TSGA10: variants seen among roughly 807,000 people sequenced by gnomAD.
TSGA10 encodes the protein testis specific 10.
Under a neutral mutation model 96.6 loss-of-function variants are expected in TSGA10, and 43 were observed. The observed-to-expected ratio is 0.44, with a 90% CI of 0.35 to 0.57. The LOEUF (loss-of-function observed/expected upper bound fraction) is 0.57. Ranked by LOEUF, TSGA10 falls within the 20% of genes least tolerant of loss-of-function variation. The probability of loss-of-function intolerance (pLI) is 0.01; values close to 1 mark genes in which losing one functional copy is unlikely to be tolerated. For missense variants in TSGA10, 703 were observed against 834.4 expected (o/e 0.84, Z 1.94); for synonymous variants, 229 against 269.9 (o/e 0.85, Z 1.48).
intron 4 of TSGA10, among the ~76,000 whole-genome samples, chr2:99,111,713 T>G (rs2091835742): frequency 6.6e-6 from 1 of 152,118 alleles, no homozygotes; most frequent in African/African-American, 2.4e-5. Flanking sequence ...GTGAAGTACT[T>G]AGAAATAGAA....
At chr2:99,072,903 G>T in intron 13 of TSGA10, 115 bp downstream of exon 13, 1 of 648,598 alleles carries the variant, frequency 1.5e-6, no homozygotes, top group Non-Finnish European at 2.6e-6. Flanking sequence ...CCTTTGATGA[G>T]AGAGTTAGCA....
chr2:99,032,281 C>T (rs2081205256), intron 17 of TSGA10, among the ~76,000 whole-genome samples: 1 of 152,164 alleles, frequency 6.6e-6, no homozygotes, highest in African/African-American at 2.4e-5. Flanking sequence ...AAACAAACAT[C>T]ACTAGAGAGC....
At chr2:99,017,506 C>T (rs376974577) in intron 20 of TSGA10, among the ~76,000 whole-genome samples, 4 of 152,276 alleles carry the variant, frequency 2.6e-5, no homozygotes, top group Admixed American at 2.6e-4. Flanking sequence ...TGGCTCACGC[C>T]TGTAATCCCA....
At chr2:99,034,742 A>G (rs2081467479) in intron 17 of TSGA10, among the ~76,000 whole-genome samples, 1 of 152,108 alleles carries the variant, frequency 6.6e-6, no homozygotes, top group Admixed American at 6.5e-5. Context: ...TTAATATATC[A>G]TTCATTACAA....
intron 4 of TSGA10, among the ~76,000 whole-genome samples, chr2:99,111,856 A>C (rs2091849266): frequency 6.6e-6 from 1 of 152,160 alleles, no homozygotes. Flanking sequence ...TTCCACATTA[A>C]GTATAAAAAT....
At chr2:99,133,113 T>C (rs1040142348) in intron 1 of TSGA10, among the ~76,000 whole-genome samples, 1 of 152,206 alleles carries the variant, frequency 6.6e-6, no homozygotes, top group Non-Finnish European at 1.5e-5. Flanking sequence ...GTCCGGTTGG[T>C]CCAGTGCTAA....
At position 99,127,126 on chromosome 2, in the gene TSGA10, A is replaced by G. The variant is rs1211563805; in HGVS notation, c.-570T>C. Reference sequence around the variant, plus strand: ...GCTGGAGAGTATTCTGGTAGTTTTCAGCTTCAGAAACTGGAGCCCCTAGAC... The same window carrying G: ...GCTGGAGAGTATTCTGGTAGTTTTCGGCTTCAGAAACTGGAGCCCCTAGAC... On this transcript the variant is annotated 5_prime_UTR_variant, in exon 2 of 21. Coordinates refer to ENST00000393483, the MANE Select transcript of TSGA10 (RefSeq NM_025244.4). 1 of 1,289,510 alleles carries G rather than the reference A, an allele frequency of 7.8e-7. No homozygotes were observed. Among genetic ancestry groups the G allele is most frequent in the Admixed American group, 2.3e-5 (1 of 43,524 alleles). The allele number at this position is 1,289,510 out of a possible 1,614,324, so 79.9% of individuals were successfully genotyped here.
At position 99,112,817 on chromosome 2, in the gene TSGA10, C is replaced by T. The variant is rs184496959; in HGVS notation, c.-139-1902G>A. On this transcript the variant is annotated intron_variant, in intron 4 of 20. Coordinates refer to ENST00000393483, the MANE Select transcript of TSGA10 (RefSeq NM_025244.4). Reference sequence around the variant, plus strand: ...ATGTGGGGATGGGTATTTCAGAGCCCGCTGTGTGGAAGACATTGTGTAAAG... The same window carrying T: ...ATGTGGGGATGGGTATTTCAGAGCCTGCTGTGTGGAAGACATTGTGTAAAG... Among the ~76,000 whole-genome samples, 269 of 146,782 alleles carry T rather than the reference C, an allele frequency of 1.8e-3. 2 individuals carry two copies. The highest frequency in any genetic ancestry group is 5.8e-3 in the Admixed American group (86 of 14,898).
rs1401156306 is a variant in TSGA10 at position 99,136,724 on chromosome 2, G to A, written c.-620-9548C>T. 1.4e-4 allele frequency among the ~76,000 whole-genome samples: 6 copies of A among 42,430 alleles called. 1 individual carries two copies. The highest frequency in any genetic ancestry group is 3.7e-4 in the African/African-American group (6 of 16,266). The allele number at this position is 42,430 out of a possible 152,430, so 27.8% of individuals were successfully genotyped here. ...TGAGGCAGGAGAATGGCGTGAACCC[G>A]GGAGGCGGAGCTTGCAGTGAGCCGA... On this transcript the variant is annotated intron_variant, in intron 1 of 20. Coordinates refer to ENST00000393483, the MANE Select transcript of TSGA10 (RefSeq NM_025244.4).
chr2:99,073,269 G>C (rs1002211608), intron 12 of TSGA10, among the ~76,000 whole-genome samples, 196 bp from the exon 13 acceptor site: 13 of 152,072 alleles, frequency 8.5e-5, no homozygotes, highest in African/African-American at 2.9e-4. Flanking sequence ...AATAGATTAT[G>C]TTCATTAAAG....
chr2:99,042,657 G>A (rs1263091082), intron 16 of TSGA10, among the ~76,000 whole-genome samples: 1 of 151,912 alleles, frequency 6.6e-6, no homozygotes, highest in African/African-American at 2.4e-5. Context: ...ACGTATATGT[G>A]CAAAAGTGCA....
At chr2:99,073,682 A>G (rs2086251209) in intron 12 of TSGA10, among the ~76,000 whole-genome samples, 1 of 152,144 alleles carries the variant, frequency 6.6e-6, no homozygotes, top group Non-Finnish European at 1.5e-5. Context: ...GAAATAAACT[A>G]TATTTTCCTT....
chr2:99,138,460 A>AGCGG (rs2093411666), intron 1 of TSGA10, among the ~76,000 whole-genome samples: 1 of 152,270 alleles, frequency 6.6e-6, no homozygotes, highest in African/African-American at 2.4e-5. Flanking sequence ...TGCCCAGCAC[A>AGCGG]AAGGTGAAAC....
At chr2:99,059,201 T>C in intron 16 of TSGA10, among the ~76,000 whole-genome samples, 1 of 150,738 alleles carries the variant, frequency 6.6e-6, no homozygotes, top group East Asian at 2.0e-4. Flanking sequence ...AAAACCACCA[T>C]GACCTACTAT....
At chr2:99,004,416 G>C (rs906344511) in intron 20 of TSGA10, among the ~76,000 whole-genome samples, 5 of 151,340 alleles carry the variant, frequency 3.3e-5, no homozygotes, top group African/African-American at 9.7e-5. Flanking sequence ...CCAATCAATA[G>C]AAAAAGAGGG....
Position 99,103,983 on chromosome 2 carries a change from C to T in TSGA10, c.595G>A (p.Glu199Lys). Residue 199 changes from glutamate to lysine, a missense_variant, in exon 10 of 21, where the codon GAG (glutamate) becomes AAG (lysine). Glu to Lys is a moderately conservative substitution (Grantham distance 56, BLOSUM62 1). This residue lies in a region of TSGA10 where 585 missense variants were observed against 656.8 expected (regional missense o/e 0.89). Coordinates refer to ENST00000393483, the MANE Select transcript of TSGA10 (RefSeq NM_025244.4). ...TTAGTTTACCTCAAAGAATTATTCT[C>T]TGCTTTTTGTCTGCCAAGTTCACTT... is the stretch of plus-strand genomic sequence containing the variant. ...TESELGRQKA[E>K]NNSLRLLYEN... 3 of 1,614,052 alleles carry T rather than the reference C, an allele frequency of 1.9e-6. No homozygotes were observed. The highest frequency in any genetic ancestry group is 2.2e-5 in the East Asian group (1 of 44,856).
chr2:99,103,489 T>G (rs910323556), intron 10 of TSGA10, among the ~76,000 whole-genome samples: 4 of 152,192 alleles, frequency 2.6e-5, no homozygotes, highest in Admixed American at 2.6e-4. Flanking sequence ...AAAGGCTAAG[T>G]ATAGTACTTG....
intron 20 of TSGA10, among the ~76,000 whole-genome samples, chr2:98,998,730 A>G (rs1406005562): frequency 6.6e-6 from 1 of 152,158 alleles, no homozygotes; most frequent in Non-Finnish European, 1.5e-5. Context: ...GCATCTAAAA[A>G]CTAGTGAAAT....
intron 1 of TSGA10, among the ~76,000 whole-genome samples, chr2:99,139,017 T>C (rs999407945): frequency 6.6e-6 from 1 of 152,162 alleles, no homozygotes; most frequent in African/African-American, 2.4e-5. Flanking sequence ...CCCAACACTT[T>C]GGGAGGCCAA....
Sources: allele counts gnomAD v4.1 joint callset (sites outside exome capture counted in the v4.1 genomes callset), GRCh38; gene constraint gnomAD v4.1.1; regional missense constraint gnomAD v4.1.1; transcripts MANE v1.5; gene names NCBI Gene and HGNC (gene_info 2026-07-23, HGNC 2026-07-21).